CTBS: variants seen among roughly 807,000 people sequenced by gnomAD.
The protein encoded by CTBS is chitobiase.
In CTBS, 35 loss-of-function variants were observed where a neutral mutation model predicts 44.3. That is an observed-to-expected ratio of 0.79 (90% CI 0.60 to 1.05). The LOEUF (loss-of-function observed/expected upper bound fraction) is 1.05, where lower values mean the gene tolerates loss of function less well. Ranked by LOEUF, CTBS falls within the 50% of genes least tolerant of loss-of-function variation. The probability of loss-of-function intolerance (pLI) is 0.00; values close to 1 mark genes in which losing one functional copy is unlikely to be tolerated. For synonymous variants in CTBS, 143 were observed against 168.0 expected (o/e 0.85, Z 1.15); for missense variants, 458 against 475.3 (o/e 0.96, Z 0.34).
chr1:84,573,486 T>G (rs1558633965), intron 1 of CTBS, among the ~76,000 whole-genome samples: 1 of 152,254 alleles, frequency 6.6e-6, no homozygotes, highest in African/African-American at 2.4e-5. Flanking sequence ...GTCATGTATA[T>G]ATACTTTTTT....
In CTBS at chr1:84,574,359, G is replaced by A. The variant is rs1276457629; in HGVS notation, c.57C>T (p.Val19=). Residue 19 remains valine (V), a synonymous_variant, in exon 1 of 7, where the codon GTC becomes GTT. Coordinates refer to ENST00000370630, the MANE Select transcript of CTBS (RefSeq NM_004388.3). ...WRLVSSPPSG[V]PGLALLALLA... ...GCAGCGCCAGCAGCGCTAGACCCGG[G>A]ACGCCGCTCGGCGGGCTAGAGACGA... 1 of 1,567,276 alleles carries A rather than the reference G, an allele frequency of 6.4e-7. No individual in the cohort carries two copies. Among genetic ancestry groups the A allele is most frequent in the East Asian group, 2.4e-5 (1 of 42,338 alleles).
chr1:84,570,817 A>C, intron 1 of CTBS, 97 bp from the exon 2 acceptor site: 1 of 1,204,808 alleles, frequency 8.3e-7, no homozygotes, highest in Non-Finnish European at 1.2e-6. Flanking sequence ...ACCAAACACT[A>C]TGGTGGCAGT....
chr1:84,574,092 T>C (rs1647394512), intron 1 of CTBS, 147 bp downstream of exon 1: 4 of 1,463,078 alleles, frequency 2.7e-6, no homozygotes, highest in African/African-American at 1.4e-5. Context: ...CATCTATAAA[T>C]TGAAGGATCC....
intron 6 of CTBS, among the ~76,000 whole-genome samples, chr1:84,558,556 G>T (rs1684521721): frequency 6.6e-6 from 1 of 150,638 alleles, no homozygotes; most frequent in Non-Finnish European, 1.5e-5. Context: ...CTCCCAAAGT[G>T]CTGGGATTAC....
intron 3 of CTBS, among the ~76,000 whole-genome samples, chr1:84,567,214 TTTATAA>T (rs748434694): frequency 3.3e-5 from 5 of 152,224 alleles, no homozygotes; most frequent in Admixed American, 2.0e-4. Context: ...ATATTAGCAC[TTTATAA>T]TTATAAGCTT....
rs183916139 is a variant in CTBS, at chr1:84,554,947, A to G, written c.*52T>C. ...ACATAATAAAAATGCAAGAAACTAG[A>G]TCTGTTGATACAGATCATCTTTCTA... On this transcript the variant is annotated 3_prime_UTR_variant, in exon 7 of 7. Coordinates refer to ENST00000370630, the MANE Select transcript of CTBS (RefSeq NM_004388.3). 176 of 1,414,870 alleles carry G rather than the reference A, an allele frequency of 1.2e-4. No homozygotes were observed. In the East Asian group the frequency reaches 2.3e-3, roughly 19 times the overall value. The allele number at this position is 1,414,870 out of a possible 1,614,324, so 87.6% of individuals were successfully genotyped here. A position where few individuals can be genotyped will look rare whatever the true frequency, so the allele number is the denominator to read the frequency against.
chr1:84,557,753 G>A (rs892596551), intron 6 of CTBS, among the ~76,000 whole-genome samples: 1 of 151,024 alleles, frequency 6.6e-6, no homozygotes, highest in Non-Finnish European at 1.5e-5. Flanking sequence ...AGCTACTTGG[G>A]AGGCTAAGGC....
rs535148031 is a variant in CTBS, at chr1:84,554,153, A to G, written c.*846T>C. 21 of 152,188 alleles carry G rather than the reference A, an allele frequency of 1.4e-4. No individual in the cohort carries two copies. The highest frequency in any genetic ancestry group is 2.1e-4 in the Non-Finnish European group (14 of 68,034). The allele number at this position is 152,188 out of a possible 1,614,324, so 9.4% of individuals were successfully genotyped here. A position where few individuals can be genotyped will look rare whatever the true frequency, so the allele number is the denominator to read the frequency against. Reference sequence around the variant, plus strand: ...AAAAAGATACATTGCAGATGTAGAAAGAAAAATTTAACCATGTAAGCAAGC... The same window carrying G: ...AAAAAGATACATTGCAGATGTAGAAGGAAAAATTTAACCATGTAAGCAAGC... On this transcript the variant is annotated 3_prime_UTR_variant, in exon 7 of 7. Transcript: ENST00000370630.
At position 84,565,963 on chromosome 1, in the gene CTBS, T is replaced by C. The variant is rs1684692108; in HGVS notation, c.575A>G (p.Tyr192Cys). 1 of 1,594,572 alleles carries C rather than the reference T, an allele frequency of 6.3e-7. No homozygotes were observed. The highest frequency in any genetic ancestry group is 8.5e-7 in the Non-Finnish European group (1 of 1,171,580). Residue 192 changes from tyrosine to cysteine, a missense_variant, in exon 4 of 7, where the codon TAT becomes TGT. Transcript: ENST00000370630. ...AGCATCTGCGATTCCAGTATAATTATAGCATCTTCTGTCTATGTTCTTTGG... is the reference window on the plus strand; with the variant it reads ...AGCATCTGCGATTCCAGTATAATTACAGCATCTTCTGTCTATGTTCTTTGG... ...WSPKNIDRRC[Y>C]NYTGIADACD... is the part of the protein sequence containing the mutation.
chr1:84,560,446 A>T (rs1405698031), intron 6 of CTBS, among the ~76,000 whole-genome samples: 1 of 152,218 alleles, frequency 6.6e-6, no homozygotes, highest in Non-Finnish European at 1.5e-5. Flanking sequence ...ACAGTTCTAC[A>T]TAGCTGTCCA....
At chr1:84,563,604 G>C (rs1329044685) in intron 5 of CTBS, 131 bp downstream of exon 5, 1 of 660,308 alleles carries the variant, frequency 1.5e-6, no homozygotes, top group Non-Finnish European at 2.3e-6. Flanking sequence ...TTTCATAGAA[G>C]TAAAAATAAA....
intron 2 of CTBS, 122 bp downstream of exon 2, chr1:84,570,460 A>C (rs1371588175): frequency 3.8e-6 from 3 of 794,544 alleles, no homozygotes; most frequent in Non-Finnish European, 6.0e-6. Flanking sequence ...ATCTAAGATT[A>C]ATTATAGGAT....
rs372508411 is a variant in CTBS at position 84,573,744 on chromosome 1, AT to A, written c.177+494del. 1.6e-4 allele frequency among the ~76,000 whole-genome samples: 24 copies of A among 152,150 alleles called. No homozygotes were observed. The East Asian group carries it at 3.3e-3, about 21-fold the overall frequency. On this transcript the variant is annotated intron_variant, in intron 1 of 6. Transcript: ENST00000370630. The stretch of plus-strand genomic sequence containing the variant: ...ATAGAAGGAAAATGTACTGAAAGCT[AT>A]TTTTTTTACCACTCTTCATGGGTGG...
In CTBS at chr1:84,565,793, T is replaced by C. The variant is rs766457857; in HGVS notation, c.697+48A>G. 5.9e-6 allele frequency: 6 copies of C among 1,024,460 alleles called. No individual in the cohort carries two copies. In the African/African-American group the frequency reaches 1.0e-4, roughly 17 times the overall value. 63.5% of individuals were successfully genotyped at this position (1,024,460 alleles called of 1,614,324 possible). ...AAAAACATCTTAATATTTTAATTTATAGAATATTATTAATATTATTAATAA... is the reference window on the plus strand; with the variant it reads ...AAAAACATCTTAATATTTTAATTTACAGAATATTATTAATATTATTAATAA... On this transcript the variant is annotated intron_variant, in intron 4 of 6. Transcript: ENST00000370630.
intron 5 of CTBS, 62 bp from the exon 6 acceptor site, chr1:84,563,480 C>T: frequency 8.7e-7 from 1 of 1,144,804 alleles, no homozygotes; most frequent in South Asian, 2.6e-5. Flanking sequence ...AAAGCCAAAC[C>T]AAAAATATAT....
chr1:84,565,888 G>T lies in CTBS; in HGVS notation c.650C>A (p.Ser217Ter). ...MSYDEQSQIW[S>*]ECIAAANAPY... is the part of the protein sequence containing the mutation. ...AGCATTGGCTGCTGCAATACATTCT[G>T]ACCAGATCTGACTTTGTTCATCATA... Residue 217 changes from serine to a stop codon, truncating the protein, a stop_gained, in exon 4 of 7, where the codon TCA becomes TAA. Coordinates refer to ENST00000370630, the MANE Select transcript of CTBS (RefSeq NM_004388.3). LOFTEE classifies it high-confidence loss of function. 1 of 1,588,960 alleles carries T rather than the reference G, an allele frequency of 6.3e-7. No individual in the cohort carries two copies. The highest frequency in any genetic ancestry group is 1.2e-5 in the South Asian group (1 of 86,214).
At chr1:84,567,648 A>G (rs555121584) in intron 3 of CTBS, among the ~76,000 whole-genome samples, 1 of 152,274 alleles carries the variant, frequency 6.6e-6, no homozygotes, top group African/African-American at 2.4e-5. Context: ...CAAAGTTATT[A>G]TCTTATTCCC....
chr1:84,565,977 T>C lies in CTBS; in HGVS notation c.561A>G (p.Ile187Met). The C allele has an allele frequency of 6.3e-7, 1 of 1,578,222 alleles. No homozygotes were observed. Among genetic ancestry groups the C allele is most frequent in the Non-Finnish European group, 8.6e-7 (1 of 1,163,886 alleles). ...CAGTATAATTATAGCATCTTCTGTC[T>C]ATGTTCTTTGGAGACCAAGCTACAT... ...TFDVAWSPKN[I>M]DRRCYNYTGI... Residue 187 changes from isoleucine (I) to methionine (M), a missense_variant, in exon 4 of 7, where the codon ATA becomes ATG. By Grantham distance (10) the Ile-to-Met change is conservative. Transcript: ENST00000370630.
intron 6 of CTBS, among the ~76,000 whole-genome samples, chr1:84,558,774 G>A (rs549071973): frequency 5.9e-5 from 9 of 151,896 alleles, no homozygotes; most frequent in Non-Finnish European, 8.8e-5. Context: ...GATGGCACAC[G>A]CCTATGGTCC....
Sources: gnomAD v4.1 joint callset for allele counts (sites outside exome capture counted in the v4.1 genomes callset) on GRCh38, gnomAD v4.1.1 for gene constraint, MANE v1.5 for transcripts, NCBI Gene and HGNC (gene_info 2026-07-23, HGNC 2026-07-21) for gene names.